EPC1: variants seen among roughly 807,000 people sequenced by gnomAD.
EPC1 encodes enhancer of polycomb 1.
Under a neutral mutation model 98.4 loss-of-function variants are expected in EPC1, and 12 were observed. That is an observed-to-expected ratio of 0.12 (90% CI 0.08 to 0.20). The LOEUF (loss-of-function observed/expected upper bound fraction) is 0.20. EPC1 is among the 10% of genes least tolerant of loss of function. The pLI is 1.00. For missense variants in EPC1, 729 were observed against 990.5 expected, an observed-to-expected ratio of 0.74 and a Z score of 3.54; for synonymous variants, 357 against 363.9, an observed-to-expected ratio of 0.98 and a Z score of 0.21.
At chr10:32,305,992 T>G in intron 1 of EPC1, 61 bp from the exon 2 acceptor site, 2 of 1,429,700 alleles carry the variant, frequency 1.4e-6, no homozygotes, top group South Asian at 1.7e-5. Flanking sequence ...ACAGATCATA[T>G]AGCCAAAAAG....
intron 1 of EPC1, among the ~76,000 whole-genome samples, chr10:32,312,080 G>A (rs1341342292): frequency 6.6e-6 from 1 of 152,208 alleles, no homozygotes; most frequent in South Asian, 2.1e-4. Flanking sequence ...GTGTACACCA[G>A]GAGCCTGAGA....
intron 1 of EPC1, among the ~76,000 whole-genome samples, chr10:32,376,832 A>G (rs908366860): frequency 6.6e-6 from 1 of 152,166 alleles, no homozygotes; most frequent in African/African-American, 2.4e-5. Flanking sequence ...AAAGTGGTCT[A>G]GTGTACTATT....
Position 32,335,353 on chromosome 10 carries a change from TCTAGA to T in EPC1, c.153+11405_153+11409del, listed in dbSNP as rs558405691. 1.7e-3 allele frequency among the ~76,000 whole-genome samples: 253 copies of T among 152,276 alleles called. 2 individuals carry two copies. Among genetic ancestry groups the T allele is most frequent in the African/African-American group, 5.8e-3 (242 of 41,554 alleles). On this transcript the variant is annotated intron_variant, in intron 1 of 13. Transcript: ENST00000319778. ...TGTCTCAAAGTCTTCCACTCTGTTG[TCTAGA>T]CTAAAGATGTATCAGCAAACTCTTC...
At chr10:32,333,504 AG>A (rs1239624624) in intron 1 of EPC1, among the ~76,000 whole-genome samples, 1 of 152,216 alleles carries the variant, frequency 6.6e-6, no homozygotes, top group Non-Finnish European at 1.5e-5. Flanking sequence ...TTGAAGAGCA[AG>A]GACTTGATGG....
Position 32,271,727 on chromosome 10 carries a change from A to T in EPC1, c.2196T>A (p.Ile732=). The T allele has an allele frequency of 6.2e-7, 1 of 1,614,188 alleles. No individual in the cohort carries two copies. The highest frequency in any genetic ancestry group is 8.5e-7 in the Non-Finnish European group (1 of 1,180,034). Reference sequence around the variant, plus strand: ...CAACTGATGAAGGTACAGTTAATCGAATGTTGTTCCCAATCAGAACCTGAG... The same window carrying T: ...CAACTGATGAAGGTACAGTTAATCGTATGTTGTTCCCAATCAGAACCTGAG... The part of the protein sequence containing the change: ...ATTQVLIGNN[I]RLTVPSSVAT... Residue 732 remains isoleucine (I), a synonymous_variant, in exon 13 of 14, where the codon ATT becomes ATA. Transcript: ENST00000319778.
At chr10:32,315,522 T>C (rs1482706490) in intron 1 of EPC1, among the ~76,000 whole-genome samples, 1 of 152,190 alleles carries the variant, frequency 6.6e-6, no homozygotes, top group African/African-American at 2.4e-5. Flanking sequence ...AACAATATCA[T>C]ACAAAATTCC....
chr10:32,307,057 T>C (rs138874024), intron 1 of EPC1, among the ~76,000 whole-genome samples: 121 of 152,320 alleles, frequency 7.9e-4, no homozygotes, highest in African/African-American at 2.6e-3. Context: ...ATATAAGATA[T>C]ACACAATGTA....
chr10:32,312,740 GCACA>G (rs201847564), intron 1 of EPC1, among the ~76,000 whole-genome samples: 24 of 152,058 alleles, frequency 1.6e-4, no homozygotes, highest in Non-Finnish European at 2.5e-4. Context: ...ACATGTGCAC[GCACA>G]CACAGTTTTA....
chr10:32,303,518 C>T (rs554089406), intron 2 of EPC1, among the ~76,000 whole-genome samples: 1 of 152,162 alleles, frequency 6.6e-6, no homozygotes, highest in East Asian at 1.9e-4. Flanking sequence ...ACTGAATGAA[C>T]CTGTGATACT....
At chr10:32,327,084 C>CACAT (rs377530995) in intron 1 of EPC1, among the ~76,000 whole-genome samples, 3 of 149,986 alleles carry the variant, frequency 2.0e-5, no homozygotes, top group Admixed American at 6.7e-5. Flanking sequence ...CACACACACA[C>CACAT]ACACACTCAC....
At chr10:32,273,687 T>C (rs1459215002) in intron 10 of EPC1, among the ~76,000 whole-genome samples, 3 of 152,186 alleles carry the variant, frequency 2.0e-5, no homozygotes, top group Admixed American at 1.3e-4. Flanking sequence ...TTGGTTTCTA[T>C]TTAATCCATA....
intron 1 of EPC1, among the ~76,000 whole-genome samples, chr10:32,354,254 TAAC>T (rs1229192942): frequency 1.3e-5 from 2 of 152,102 alleles, no homozygotes; most frequent in Non-Finnish European, 2.9e-5. Flanking sequence ...ATATGAAGTT[TAAC>T]AACAACAACA....
At chr10:32,331,835 C>G (rs1369625005) in intron 1 of EPC1, among the ~76,000 whole-genome samples, 1 of 152,198 alleles carries the variant, frequency 6.6e-6, no homozygotes, top group African/African-American at 2.4e-5. Context: ...GTAGCCTAAG[C>G]ACAGCATTTC....
At chr10:32,304,912 C>T (rs1295278020) in intron 2 of EPC1, among the ~76,000 whole-genome samples, 2 of 108,284 alleles carry the variant, frequency 1.8e-5, no homozygotes, top group Non-Finnish European at 3.8e-5. Context: ...GAGTGAAACT[C>T]CGTCTTAAAA....
chr10:32,284,115 T>C (rs1309359433), intron 10 of EPC1: 1 of 152,222 alleles, frequency 6.6e-6, no homozygotes, highest in East Asian at 1.9e-4. Flanking sequence ...GCTAAGATTA[T>C]AGGAATATTT....
intron 1 of EPC1, among the ~76,000 whole-genome samples, chr10:32,334,165 A>G (rs1263245187): frequency 6.6e-6 from 1 of 152,242 alleles, no homozygotes; most frequent in Non-Finnish European, 1.5e-5. Flanking sequence ...GAATTGTTAC[A>G]GACCAGGGAT....
intron 4 of EPC1, 85 bp from the exon 5 acceptor site, chr10:32,292,729 GA>G: frequency 2.6e-5 from 34 of 1,321,238 alleles, no homozygotes; most frequent in Non-Finnish European, 3.3e-5. Flanking sequence ...TTATATATTT[GA>G]AGGGTTAAAT....
intron 1 of EPC1, among the ~76,000 whole-genome samples, chr10:32,319,663 C>A (rs897753824): frequency 6.6e-6 from 1 of 152,042 alleles, no homozygotes; most frequent in Admixed American, 6.6e-5. Context: ...AAGATGAAAA[C>A]ATCTATGAAA....
chr10:32,354,631 C>T (rs1043682743), intron 1 of EPC1, among the ~76,000 whole-genome samples: 1 of 149,404 alleles, frequency 6.7e-6, no homozygotes, highest in South Asian at 2.2e-4. Context: ...TTTTCTATAA[C>T]CTTAGGATTT....
Sources: allele counts gnomAD v4.1 joint callset (sites outside exome capture counted in the v4.1 genomes callset), GRCh38; gene constraint gnomAD v4.1.1; transcripts MANE v1.5; gene names NCBI Gene and HGNC (gene_info 2026-07-23, HGNC 2026-07-21).